NAAA: variants seen among roughly 807,000 people sequenced by gnomAD.
The protein encoded by NAAA is N-acylethanolamine-hydrolyzing acid amidase.
Under a neutral mutation model 44.8 loss-of-function variants are expected in NAAA, and 39 were observed. The ratio of observed to expected loss-of-function variants is 0.87; its 90% CI spans 0.67 to 1.14. The LOEUF (loss-of-function observed/expected upper bound fraction) is 1.14. Among genes scored for constraint, NAAA ranks in the 50% most tolerant of loss-of-function variants. The pLI is 0.00. For synonymous variants in NAAA, 178 were observed against 191.3 expected, an observed-to-expected ratio of 0.93 and a Z score of 0.58; for missense variants, 460 against 467.8, an observed-to-expected ratio of 0.98 and a Z score of 0.15.
chr4:75,925,712 G>A (rs373362029), intron 5 of NAAA, 23 bp downstream of exon 5: 15 of 1,607,936 alleles, frequency 9.3e-6, no homozygotes, highest in Non-Finnish European at 1.3e-5. Flanking sequence ...AGTTAAGGAG[G>A]GCTCCACATT....
In NAAA at chr4:75,940,015, G is replaced by A. The variant is rs544480483; in HGVS notation, c.357C>T (p.Ala119=). 4 of 1,613,812 alleles carry A rather than the reference G, an allele frequency of 2.5e-6. No individual in the cohort carries two copies. The highest frequency in any genetic ancestry group is 2.2e-5 in the East Asian group (1 of 44,878). The change falls in exon 2 of 11, where the codon GCC becomes GCT. Residue 119 remains alanine, a synonymous_variant. Coordinates refer to ENST00000286733, the MANE Select transcript of NAAA (RefSeq NM_014435.4). The part of the protein sequence containing the change: ...SLADCLLVNL[A]YESSVFCTSI... ...GGGGCACTCACACGGAGGACTCGTA[G>A]GCCAGGTTGACCAGAAGGCAGTCCG...
intron 4 of NAAA, among the ~76,000 whole-genome samples, chr4:75,926,497 G>A (rs916647036): frequency 6.8e-6 from 1 of 147,092 alleles, no homozygotes; most frequent in Non-Finnish European, 1.5e-5. Flanking sequence ...GGAGGCGGAG[G>A]TTGCAGTGAG....
intron 4 of NAAA, among the ~76,000 whole-genome samples, chr4:75,928,188 C>G (rs536366398): frequency 6.3e-4 from 96 of 152,298 alleles, no homozygotes; most frequent in Admixed American, 1.2e-3. Context: ...TCTATGAGTT[C>G]AAACTTGGAG....
At chr4:75,919,340 C>T (rs1417125487) in intron 8 of NAAA, 1 of 151,870 alleles carries the variant, frequency 6.6e-6, no homozygotes, top group African/African-American at 2.4e-5. Context: ...CCACATCCGG[C>T]CTGACTTTTT....
chr4:75,935,911 G>C (rs66498356), intron 3 of NAAA, 198 bp downstream of exon 3: 171,207 of 644,536 alleles, frequency 0.27, 23,847 homozygotes, highest in East Asian at 0.34. Flanking sequence ...AGTAGACACT[G>C]AATAATAAAT....
chr4:75,928,465 T>C (rs1490616029), intron 4 of NAAA, among the ~76,000 whole-genome samples: 1 of 151,966 alleles, frequency 6.6e-6, no homozygotes, highest in African/African-American at 2.4e-5. Flanking sequence ...CTGGTAGCAA[T>C]TGGTTGGGTA....
At chr4:75,917,207 T>C (rs1239539444) in intron 9 of NAAA, 3 of 473,146 alleles carry the variant, frequency 6.3e-6, no homozygotes, top group Non-Finnish European at 8.3e-6. Context: ...GTACAGTCAA[T>C]AGTGCATTGG....
intron 4 of NAAA, among the ~76,000 whole-genome samples, chr4:75,930,002 T>C (rs994340116): frequency 3.3e-5 from 5 of 151,988 alleles, no homozygotes; most frequent in African/African-American, 1.2e-4. Context: ...GGCATGAGAA[T>C]CGGCTGAGCC....
In NAAA at chr4:75,918,806, C is replaced by A; in HGVS notation, c.970-17G>T. Reference sequence around the variant, plus strand: ...CGACAAAATCTGCATAGGAAAAAGTCATTTTATAGAGAAGATTACATGGTA... The same window carrying A: ...CGACAAAATCTGCATAGGAAAAAGTAATTTTATAGAGAAGATTACATGGTA... On this transcript the variant is annotated splice_polypyrimidine_tract_variant and intron_variant, in intron 8 of 10. Transcript: ENST00000286733. The A allele has an allele frequency of 6.2e-7, 1 of 1,607,238 alleles. No homozygotes were observed. Among genetic ancestry groups the A allele is most frequent in the South Asian group, 1.1e-5 (1 of 90,920 alleles).
intron 3 of NAAA, among the ~76,000 whole-genome samples, chr4:75,934,539 G>A (rs1034795318): frequency 6.7e-6 from 1 of 149,618 alleles, no homozygotes; most frequent in East Asian, 2.0e-4. Context: ...ACATTGGCCA[G>A]GCTGGTCTTG....
At chr4:75,935,962 C>A in intron 3 of NAAA, 147 bp downstream of exon 3, 1 of 871,892 alleles carries the variant, frequency 1.1e-6, no homozygotes. Flanking sequence ...TTGATGCAAA[C>A]CTCTCTTCTG....
At chr4:75,935,168 AACTTTT>A (rs1233063869) in intron 3 of NAAA, 2 of 152,236 alleles carry the variant, frequency 1.3e-5, no homozygotes, top group Non-Finnish European at 2.9e-5. Context: ...GGAAAGGAGA[AACTTTT>A]ACTTTAAATA....
In NAAA at chr4:75,914,364, T is replaced by G. The variant is rs149378750; in HGVS notation, c.*37-26A>C. The G allele has an allele frequency of 1.9e-3, 1,822 of 938,314 alleles. 20 individuals carry two copies. The African/African-American group carries it at 0.031, about 16-fold the overall frequency. The allele number at this position is 938,314 out of a possible 1,614,324, so 58.1% of individuals were successfully genotyped here. On this transcript the variant is annotated intron_variant, in intron 10 of 10. Transcript: ENST00000286733. ...CTGTAAGGGAAGAAAAAAACGCATT[T>G]AATTCAAAGACTGATTTTTTTTTTT...
At chr4:75,938,920 G>A (rs554497899) in intron 2 of NAAA, among the ~76,000 whole-genome samples, 32 of 152,300 alleles carry the variant, frequency 2.1e-4, no homozygotes, top group Admixed American at 3.9e-4. Context: ...TGCCATCTTG[G>A]CTCACTGCAA....
At chr4:75,930,192 C>G (rs1226558377) in intron 4 of NAAA, among the ~76,000 whole-genome samples, 1 of 152,118 alleles carries the variant, frequency 6.6e-6, no homozygotes, top group Non-Finnish European at 1.5e-5. Flanking sequence ...TCAAGATACT[C>G]CTTGTATATA....
intron 3 of NAAA, 129 bp from the exon 4 acceptor site, chr4:75,931,433 A>C: frequency 1.7e-6 from 1 of 597,856 alleles, no homozygotes; most frequent in Non-Finnish European, 2.9e-6. Flanking sequence ...AAACTCTGAA[A>C]TAGTCTTCTA....
chr4:75,940,985 C>A lies in NAAA; in HGVS notation c.-36G>T. 2.8e-6 allele frequency: 4 copies of A among 1,440,072 alleles called. No individual in the cohort carries two copies. The highest frequency in any genetic ancestry group is 2.7e-6 in the Non-Finnish European group (3 of 1,107,220). The allele number at this position is 1,440,072 out of a possible 1,614,324, so 89.2% of individuals were successfully genotyped here. On this transcript the variant is annotated 5_prime_UTR_variant, in exon 1 of 11. Coordinates refer to ENST00000286733, the MANE Select transcript of NAAA (RefSeq NM_014435.4). ...CCAGCGGCCGCAACTTGGAGACCTG[C>A]AGCCGCTGTCGGAGCCCGGGTAAGC...
chr4:75,910,841 A>C (rs113843875), downstream of NAAA, among the ~76,000 whole-genome samples: 14,191 of 152,226 alleles, frequency 0.093, 1,213 homozygotes, highest in African/African-American at 0.23. Flanking sequence ...ACCACCAAAT[A>C]GGCTTCATGT....
intron 9 of NAAA, among the ~76,000 whole-genome samples, chr4:75,917,971 A>G (rs931944984): frequency 4.6e-5 from 7 of 152,070 alleles, no homozygotes; most frequent in African/African-American, 1.7e-4. Context: ...ATAAAAGAAA[A>G]CCAAAGGTAT....
Sources: gnomAD v4.1 joint callset for allele counts (sites outside exome capture counted in the v4.1 genomes callset) on GRCh38, gnomAD v4.1.1 for gene constraint, MANE v1.5 for transcripts, NCBI Gene and HGNC (gene_info 2026-07-23, HGNC 2026-07-21) for gene names.